The following MALRD1 variants were observed in gnomAD, a reference collection of about 807,000 sequenced individuals.
The protein encoded by MALRD1 is MAM and LDL-receptor class A domain-containing protein 1.
In MALRD1, 247 loss-of-function variants were observed where a neutral mutation model predicts 242.1. That is an observed-to-expected ratio of 1.02 (90% CI 0.92 to 1.13). The LOEUF (loss-of-function observed/expected upper bound fraction) is 1.13, where lower values mean the gene tolerates loss of function less well. Among genes scored for constraint, MALRD1 ranks in the 50% most tolerant of loss-of-function variants. MALRD1 has a pLI of 0.00. For missense variants in MALRD1, 2,989 were observed against 2,533.1 expected, an observed-to-expected ratio of 1.18 and a Z score of -3.86; for synonymous variants, 995 against 866.6, an observed-to-expected ratio of 1.15 and a Z score of -2.60.
intron 34 of MALRD1, among the ~76,000 whole-genome samples, chr10:19,602,141 CA>C (rs1838372745): frequency 7.1e-6 from 1 of 141,216 alleles, no homozygotes; most frequent in South Asian, 2.2e-4. Context: ...GCAAGTCTAT[CA>C]GTGCCAATTT....
chr10:19,050,599 G>A (rs1368767573), intron 1 of MALRD1, among the ~76,000 whole-genome samples: 1 of 152,092 alleles, frequency 6.6e-6, no homozygotes, highest in East Asian at 1.9e-4. Context: ...CTTAGTTTGG[G>A]ATGGCTGTCA....
intron 28 of MALRD1, among the ~76,000 whole-genome samples, chr10:19,450,052 G>T (rs2131036246): frequency 6.6e-6 from 1 of 152,268 alleles, no homozygotes; most frequent in Non-Finnish European, 1.5e-5. Flanking sequence ...CAGGTTTGTA[G>T]AGAATTATAT....
chr10:19,449,991 G>C (rs533335852), intron 28 of MALRD1, among the ~76,000 whole-genome samples: 1 of 152,292 alleles, frequency 6.6e-6, no homozygotes, highest in South Asian at 2.1e-4. Context: ...GATTGTTTCA[G>C]TATCTGTCAG....
intron 38 of MALRD1, among the ~76,000 whole-genome samples, chr10:19,725,649 T>A (rs1309607477): frequency 6.6e-6 from 1 of 152,164 alleles, no homozygotes; most frequent in Non-Finnish European, 1.5e-5. Flanking sequence ...GCCAAAACAA[T>A]GTTGGAGAAC....
At chr10:19,389,421 G>A (rs539048472) in intron 27 of MALRD1, 31 bp from the exon 28 acceptor site, 69 of 1,544,544 alleles carry the variant, frequency 4.5e-5, no homozygotes, top group Middle Eastern at 3.4e-4. Context: ...TTGTTATTTC[G>A]TTCTTCTCTG....
intron 19 of MALRD1, among the ~76,000 whole-genome samples, chr10:19,264,060 T>C (rs757517421): frequency 1.3e-5 from 2 of 152,192 alleles, no homozygotes; most frequent in Non-Finnish European, 2.9e-5. Context: ...ATCCTCCCAA[T>C]ACTTGTTAAA....
chr10:19,109,209 G>A (rs1213447243), intron 5 of MALRD1, among the ~76,000 whole-genome samples: 1 of 152,174 alleles, frequency 6.6e-6, no homozygotes, highest in Admixed American at 6.5e-5. Context: ...CACTGGGGGT[G>A]GGGATGCTGG....
intron 5 of MALRD1, 133 bp from the exon 6 acceptor site, chr10:19,123,359 A>G: frequency 2.5e-6 from 1 of 401,238 alleles, no homozygotes. Context: ...GGGTTACCTA[A>G]AGGGTGATGA....
At chr10:19,289,514 A>C (rs1380084888) in intron 21 of MALRD1, among the ~76,000 whole-genome samples, 1 of 152,198 alleles carries the variant, frequency 6.6e-6, no homozygotes, top group East Asian at 1.9e-4. Context: ...AATATTTAAC[A>C]TATGTGCTCT....
At chr10:19,196,002 C>T (rs907252756) in intron 14 of MALRD1, among the ~76,000 whole-genome samples, 7 of 152,108 alleles carry the variant, frequency 4.6e-5, no homozygotes, top group Admixed American at 3.3e-4. Context: ...ATAGAAACAA[C>T]CAGAAAAGAA....
chr10:19,675,244 G>C (rs1842090660), intron 36 of MALRD1, among the ~76,000 whole-genome samples: 1 of 151,948 alleles, frequency 6.6e-6, no homozygotes, highest in African/African-American at 2.4e-5. Flanking sequence ...ATCTCCTAAG[G>C]ACAGAATTTG....
chr10:19,057,507 G>C (rs1308389748), intron 1 of MALRD1, among the ~76,000 whole-genome samples: 1 of 152,222 alleles, frequency 6.6e-6, no homozygotes, highest in Admixed American at 6.5e-5. Flanking sequence ...TTGGGAATTA[G>C]GGTTTTAAAT....
intron 31 of MALRD1, among the ~76,000 whole-genome samples, chr10:19,527,048 A>G (rs763646592): frequency 4.6e-5 from 7 of 152,172 alleles, no homozygotes; most frequent in Admixed American, 1.3e-4. Context: ...GCAATAATAC[A>G]TATATTACTG....
intron 28 of MALRD1, among the ~76,000 whole-genome samples, chr10:19,431,246 AG>A (rs1834115806): frequency 6.6e-6 from 1 of 152,176 alleles, no homozygotes; most frequent in Admixed American, 6.5e-5. Context: ...CTTCTGTTAT[AG>A]ACTTAATTCT....
At chr10:19,490,234 T>C (rs1167294546) in intron 29 of MALRD1, among the ~76,000 whole-genome samples, 1 of 152,188 alleles carries the variant, frequency 6.6e-6, no homozygotes, top group Non-Finnish European at 1.5e-5. Context: ...CTTTTTTTCC[T>C]TTGTCCATTT....
chr10:19,176,259 G>T (rs755660168), intron 14 of MALRD1, among the ~76,000 whole-genome samples: 2 of 150,558 alleles, frequency 1.3e-5, no homozygotes, highest in Non-Finnish European at 3.0e-5. Flanking sequence ...GACTAATCAA[G>T]AAAAATTTGG....
intron 21 of MALRD1, among the ~76,000 whole-genome samples, chr10:19,287,072 T>C (rs1841162624): frequency 6.6e-6 from 1 of 152,154 alleles, no homozygotes; most frequent in Non-Finnish European, 1.5e-5. Context: ...CTCTTTCATC[T>C]TTATGTACCA....
intron 24 of MALRD1, among the ~76,000 whole-genome samples, chr10:19,344,896 T>G (rs1258672884): frequency 6.6e-6 from 1 of 152,026 alleles, no homozygotes; most frequent in Non-Finnish European, 1.5e-5. Flanking sequence ...TTTGGAAAGG[T>G]AGAAAATAGT....
At chr10:19,592,726 AAG>A (rs1256382905) in intron 33 of MALRD1, among the ~76,000 whole-genome samples, 2 of 118,350 alleles carry the variant, frequency 1.7e-5, no homozygotes, top group South Asian at 3.1e-4. Flanking sequence ...GAAAAATATA[AAG>A]ACACACACAC....
Sources: allele counts gnomAD v4.1 joint callset (sites outside exome capture counted in the v4.1 genomes callset), GRCh38; gene constraint gnomAD v4.1.1; transcripts MANE v1.5; gene names NCBI Gene and HGNC (gene_info 2026-07-23, HGNC 2026-07-21).